Variants in KCND3 observed in about 807,000 individuals in gnomAD.
KCND3 encodes potassium voltage-gated channel subfamily D member 3.
Under a neutral mutation model 51.1 loss-of-function variants are expected in KCND3, and 9 were observed. That is an observed-to-expected ratio of 0.18 (90% CI 0.11 to 0.31). KCND3 has a LOEUF of 0.31. Ranked by LOEUF, KCND3 falls within the 10% of genes least tolerant of loss-of-function variation. The pLI, the probability that KCND3 is intolerant of heterozygous loss-of-function variation, is 1.00. For missense variants in KCND3, 526 were observed against 903.8 expected (o/e 0.58, Z 5.36); for synonymous variants, 349 against 368.0 (o/e 0.95, Z 0.59).
At chr1:111,835,686 T>G (rs954098041) in intron 2 of KCND3, among the ~76,000 whole-genome samples, 16 of 152,216 alleles carry the variant, frequency 1.1e-4, no homozygotes, top group Non-Finnish European at 1.9e-4. Context: ...TTACCTTATA[T>G]AGTCTAAGAA....
In KCND3 at chr1:111,830,050, G is replaced by A. The variant is rs190833201; in HGVS notation, c.1107-42944C>T. ...TCTCCCCTCCATCTAATTATCCTCC[G>A]GTCCATCTTTCTACGTCAGCAGCGT... On this transcript the variant is annotated intron_variant, in intron 2 of 7. Transcript: ENST00000302127. Among the ~76,000 whole-genome samples the A allele has an allele frequency of 1.2e-3, 190 of 152,058 alleles. 1 individual carries two copies. The highest frequency in any genetic ancestry group is 1.6e-3 in the Non-Finnish European group (106 of 67,990).
intron 2 of KCND3, among the ~76,000 whole-genome samples, chr1:111,903,746 C>T (rs1670503619): frequency 6.6e-6 from 1 of 152,224 alleles, no homozygotes; most frequent in Non-Finnish European, 1.5e-5. Flanking sequence ...TCACAGTCCC[C>T]CAGACCCATG....
At chr1:111,974,455 G>T (rs1312127199) in intron 2 of KCND3, among the ~76,000 whole-genome samples, 1 of 152,168 alleles carries the variant, frequency 6.6e-6, no homozygotes, top group Non-Finnish European at 1.5e-5. Context: ...TCCTGGAAGT[G>T]GTTGGTTGTG....
intron 2 of KCND3, among the ~76,000 whole-genome samples, chr1:111,812,320 G>C (rs1174531365): frequency 1.3e-5 from 2 of 152,160 alleles, no homozygotes; most frequent in Non-Finnish European, 1.5e-5. Context: ...ACCCTGCATG[G>C]GGAATTAGGG....
chr1:111,855,534 T>A (rs1668026358), intron 2 of KCND3, among the ~76,000 whole-genome samples: 2 of 152,168 alleles, frequency 1.3e-5, no homozygotes, highest in South Asian at 4.1e-4. Flanking sequence ...GTGGAGGGGA[T>A]CTTCCGATAG....
chr1:111,800,043 C>T (rs1300032679), intron 2 of KCND3, among the ~76,000 whole-genome samples: 1 of 151,014 alleles, frequency 6.6e-6, no homozygotes, highest in Non-Finnish European at 1.5e-5. Flanking sequence ...GGGAGGTGTG[C>T]CCAACAGCTC....
intron 2 of KCND3, among the ~76,000 whole-genome samples, chr1:111,832,358 C>G (rs968446082): frequency 1.3e-5 from 2 of 152,156 alleles, no homozygotes; most frequent in African/African-American, 4.8e-5. Flanking sequence ...GGCAGTTCTT[C>G]TTTTGTTCTT....
chr1:111,972,461 C>T (rs558479716), intron 2 of KCND3, among the ~76,000 whole-genome samples: 9 of 152,274 alleles, frequency 5.9e-5, no homozygotes, highest in Non-Finnish European at 1.0e-4. Context: ...CGTGAGCCCC[C>T]GCGCCCGGCC....
intron 2 of KCND3, among the ~76,000 whole-genome samples, chr1:111,861,787 A>T (rs1308271184): frequency 6.6e-6 from 1 of 152,156 alleles, no homozygotes; most frequent in Non-Finnish European, 1.5e-5. Context: ...CACAGATTAG[A>T]TGGCAACTGA....
chr1:111,877,178 A>C (rs1323385211), intron 2 of KCND3, among the ~76,000 whole-genome samples: 1 of 152,146 alleles, frequency 6.6e-6, no homozygotes, highest in Non-Finnish European at 1.5e-5. Flanking sequence ...CAAAAATCTC[A>C]TTTATTTAAG....
intron 2 of KCND3, among the ~76,000 whole-genome samples, chr1:111,873,694 C>T (rs1370788008): frequency 6.6e-6 from 1 of 152,132 alleles, no homozygotes; most frequent in South Asian, 2.1e-4. Context: ...TTATTATAGA[C>T]TTGTTCTGAG....
intron 2 of KCND3, among the ~76,000 whole-genome samples, chr1:111,848,779 C>T (rs580183): frequency 0.18 from 27,792 of 152,222 alleles, 2,885 homozygotes; most frequent in Non-Finnish European, 0.25. Context: ...GATAGTAAGA[C>T]CTGACGTTGT....
chr1:111,806,587 G>C (rs762449269), intron 2 of KCND3, among the ~76,000 whole-genome samples: 54 of 152,212 alleles, frequency 3.5e-4, no homozygotes, highest in Non-Finnish European at 5.4e-4. Context: ...TCCACTTCCA[G>C]TAATGTAAAA....
Position 111,773,211 on chromosome 1 carries a change from T to TA in KCND3, c.*2865dup, listed in dbSNP as rs1487197875. The TA allele has an allele frequency of 6.6e-6, 1 of 152,170 alleles. No individual in the cohort carries two copies. The highest frequency in any genetic ancestry group is 1.9e-4 in the East Asian group (1 of 5,180). 9.4% of individuals were successfully genotyped at this position (152,170 alleles called of 1,614,324 possible). The stretch of plus-strand genomic sequence containing the variant: ...AAAACATTCTGTTGATTAGGACCAA[T>TA]AAAAAAACATGGGAAATTGCTTGGG... On this transcript the variant is annotated 3_prime_UTR_variant, in exon 8 of 8. Coordinates refer to ENST00000302127, the MANE Select transcript of KCND3 (RefSeq NM_001378969.1).
intron 2 of KCND3, among the ~76,000 whole-genome samples, chr1:111,866,897 T>C (rs1193811978): frequency 1.3e-5 from 2 of 152,224 alleles, no homozygotes; most frequent in East Asian, 1.9e-4. Flanking sequence ...GCCAGCACCA[T>C]TGGATTAAAT....
intron 2 of KCND3, among the ~76,000 whole-genome samples, chr1:111,805,056 A>G (rs1665500531): frequency 6.6e-6 from 1 of 152,204 alleles, no homozygotes; most frequent in Admixed American, 6.5e-5. Flanking sequence ...GGTGGATCAC[A>G]TAAAGGGCAG....
chr1:111,846,239 C>T (rs974090679), intron 2 of KCND3, among the ~76,000 whole-genome samples: 2 of 152,204 alleles, frequency 1.3e-5, no homozygotes, highest in Non-Finnish European at 2.9e-5. Context: ...AACTATCATC[C>T]ACTTATACTG....
chr1:111,944,699 G>A (rs1197601957), intron 2 of KCND3, among the ~76,000 whole-genome samples: 1 of 152,252 alleles, frequency 6.6e-6, no homozygotes, highest in African/African-American at 2.4e-5. Flanking sequence ...TGGTCTTTGT[G>A]TGTCTCCCGC....
chr1:111,960,710 CT>C (rs1486365187), intron 2 of KCND3, among the ~76,000 whole-genome samples: 1 of 152,228 alleles, frequency 6.6e-6, no homozygotes, highest in Non-Finnish European at 1.5e-5. Context: ...AGTGTAAACC[CT>C]CAGCTGGGGT....
Sources: allele counts gnomAD v4.1 joint callset (sites outside exome capture counted in the v4.1 genomes callset), GRCh38; gene constraint gnomAD v4.1.1; transcripts MANE v1.5; gene names NCBI Gene and HGNC (gene_info 2026-07-23, HGNC 2026-07-21).